ZC3H6: variants seen among roughly 807,000 people sequenced by gnomAD.
The protein encoded by ZC3H6 is zinc finger CCCH domain-containing protein 6.
A neutral mutation model predicts 107.7 loss-of-function variants in ZC3H6; 40 were observed. That is an observed-to-expected ratio of 0.37 (90% CI 0.29 to 0.48). The LOEUF (loss-of-function observed/expected upper bound fraction) is 0.48, where lower values mean the gene tolerates loss of function less well. Ranked by LOEUF, ZC3H6 falls within the 20% of genes least tolerant of loss-of-function variation. ZC3H6 has a pLI of 0.98. For missense variants in ZC3H6, 1,267 were observed against 1,410.4 expected (o/e 0.90, Z 1.63); for synonymous variants, 493 against 487.9 (o/e 1.01, Z -0.14).
chr2:112,288,574 T>C (rs10176247), intron 1 of ZC3H6, among the ~76,000 whole-genome samples: 2 of 152,042 alleles, frequency 1.3e-5, no homozygotes, highest in Non-Finnish European at 2.9e-5. Flanking sequence ...TAGGTAGTAC[T>C]TTGGGAAGCA....
At position 112,324,987 on chromosome 2, in the gene ZC3H6, G is replaced by T. The variant is rs144849099; in HGVS notation, c.1876G>T (p.Ala626Ser). 2.0e-4 allele frequency: 322 copies of T among 1,607,770 alleles called. No individual in the cohort carries two copies. The African/African-American group carries it at 3.9e-3, about 20-fold the overall frequency. The change falls in exon 11 of 12, where the codon GCC (alanine) becomes TCC (serine). Residue 626 changes from alanine (A) to serine (S), a missense_variant. Coordinates refer to ENST00000409871, the MANE Select transcript of ZC3H6 (RefSeq NM_198581.3). ...SGDGMWHGEF[A>S]QQQPPVVQDS... ...AGATGGGATGTGGCATGGTGAATTT[G>T]CCCAGCAGCAGCCTCCTGTTGTTCA... is the stretch of plus-strand genomic sequence containing the variant.
At chr2:112,283,740 A>G (rs1686563218) in intron 1 of ZC3H6, among the ~76,000 whole-genome samples, 1 of 152,222 alleles carries the variant, frequency 6.6e-6, no homozygotes, top group Admixed American at 6.5e-5. Flanking sequence ...TGTGGCATTC[A>G]GTCTCAGCCA....
At position 112,303,334 on chromosome 2, in the gene ZC3H6, G is replaced by T; in HGVS notation, c.319G>T (p.Asp107Tyr). ...KKRTGFYRDY[D>Y]IPFTQRGHIS... ...AAGAACTGGTTTCTACAGGGATTAT[G>T]ACATTCCATTTACTCAGGTATTGCC... The change falls in exon 3 of 12, where the codon GAC becomes TAC. Residue 107 changes from aspartate (D) to tyrosine (Y), a missense_variant. Physicochemically the swap from Asp to Tyr is radical, Grantham distance 160 (BLOSUM62 -3). Transcript: ENST00000409871. The T allele has an allele frequency of 6.2e-7, 1 of 1,612,402 alleles. No homozygotes were observed. The highest frequency in any genetic ancestry group is 1.1e-5 in the South Asian group (1 of 90,770).
rs193059585 is a variant in ZC3H6, at chr2:112,332,317, T to A, written c.3399T>A (p.Pro1133=). ...AGGTCCCAGCAGTGCACAGCCTTCC[T>A]GTTCAGGCATTAACAGGCTTAATTA... is the stretch of plus-strand genomic sequence containing the variant. The part of the protein sequence containing the change: ...KVQVPAVHSL[P]VQALTGLIRP... Residue 1133 remains proline (P), a synonymous_variant, in exon 12 of 12, where the codon CCT becomes CCA. Coordinates refer to ENST00000409871, the MANE Select transcript of ZC3H6 (RefSeq NM_198581.3). 6.2e-7 allele frequency: 1 copy of A among 1,613,864 alleles called. No individual in the cohort carries two copies. Among genetic ancestry groups the A allele is most frequent in the Non-Finnish European group, 8.5e-7 (1 of 1,179,900 alleles).
chr2:112,284,685 G>A lies in ZC3H6; in HGVS notation c.32+8659G>A, dbSNP rs187209036. ...GGTGGAGGAACTTTCTTCCTCTAAC[G>A]TCTTTATATGTGTCTGTGTTTATAT... is the stretch of plus-strand genomic sequence containing the variant. On this transcript the variant is annotated intron_variant, in intron 1 of 11. Transcript: ENST00000409871. Among the ~76,000 whole-genome samples, 12 of 151,972 alleles carry A rather than the reference G, an allele frequency of 7.9e-5. No individual in the cohort carries two copies. In the South Asian group the frequency reaches 1.9e-3, roughly 24 times the overall value.
intron 2 of ZC3H6, among the ~76,000 whole-genome samples, chr2:112,300,753 T>C (rs1676358136): frequency 6.6e-6 from 1 of 152,152 alleles, no homozygotes; most frequent in Middle Eastern, 3.2e-3. Context: ...GAGTTTACAT[T>C]GCAATGGGAA....
At chr2:112,292,855 A>C (rs1234354428) in intron 1 of ZC3H6, among the ~76,000 whole-genome samples, 1 of 152,218 alleles carries the variant, frequency 6.6e-6, no homozygotes, top group Non-Finnish European at 1.5e-5. Context: ...CAGGGAGATC[A>C]GTGTCCTCTC....
chr2:112,317,438 A>G, intron 7 of ZC3H6, 106 bp downstream of exon 7: 1 of 614,628 alleles, frequency 1.6e-6, no homozygotes, highest in Non-Finnish European at 2.7e-6. Flanking sequence ...GTTTGGTTTT[A>G]AATTTAAAAC....
intron 11 of ZC3H6, among the ~76,000 whole-genome samples, chr2:112,330,243 C>CG (rs1371257662): frequency 2.0e-5 from 3 of 152,014 alleles, no homozygotes; most frequent in Admixed American, 1.3e-4. Context: ...TTAGTAGAGA[C>CG]GGGGTTTCAC....
At chr2:112,300,066 G>T in intron 2 of ZC3H6, 37 bp downstream of exon 2, 3 of 1,257,602 alleles carry the variant, frequency 2.4e-6, no homozygotes, top group South Asian at 4.7e-5. Flanking sequence ...TTTGATAAAT[G>T]TTTATGAAAT....
chr2:112,309,252 T>C (rs1676549912), intron 3 of ZC3H6, among the ~76,000 whole-genome samples: 1 of 152,174 alleles, frequency 6.6e-6, no homozygotes, highest in Non-Finnish European at 1.5e-5. Flanking sequence ...AATAAACTTC[T>C]AGTACTAAAG....
At position 112,334,297 on chromosome 2, in the gene ZC3H6, G is replaced by A. The variant is rs1443391170; in HGVS notation, c.*1809G>A. The A allele has an allele frequency of 6.6e-6, 1 of 151,932 alleles. No individual in the cohort carries two copies. The highest frequency in any genetic ancestry group is 1.5e-5 in the Non-Finnish European group (1 of 67,914). The allele number at this position is 151,932 out of a possible 1,614,324, so 9.4% of individuals were successfully genotyped here. A position where few individuals can be genotyped will look rare whatever the true frequency, so the allele number is the denominator to read the frequency against. ...AAGGTGTAATTTACTCTTTTGTCAG[G>A]ATAAAATCAGAAAAATGGCTGATTT... On this transcript the variant is annotated 3_prime_UTR_variant, in exon 12 of 12. Transcript: ENST00000409871.
chr2:112,332,522 G>T lies in ZC3H6; in HGVS notation c.*34G>T. 1 of 1,567,614 alleles carries T rather than the reference G, an allele frequency of 6.4e-7. No individual in the cohort carries two copies. Among genetic ancestry groups the T allele is most frequent in the Non-Finnish European group, 8.6e-7 (1 of 1,158,340 alleles). ...TAACTGAGCAATTCTTTTCACTCTT[G>T]TGACTATCTCAGTCCTCTGCTGTTT... On this transcript the variant is annotated 3_prime_UTR_variant, in exon 12 of 12. Transcript: ENST00000409871.
At chr2:112,321,368 GT>G (rs5833445) in intron 7 of ZC3H6, among the ~76,000 whole-genome samples, 77,440 of 151,578 alleles carry the variant, frequency 0.51, 21,963 homozygotes, top group East Asian at 0.77. Flanking sequence ...AGTGATAAAT[GT>G]TTTTTTTCCT....
chr2:112,324,400 A>ATCAAGCTGGAGTGCTTGGTTG lies in ZC3H6; in HGVS notation c.1606_1607insGTTGTCAAGCTGGAGTGCTTG (p.Leu535_Val536insGlyCysGlnAlaGlyValLeu). 6.2e-7 allele frequency: 1 copy of ATCAAGCTGGAGTGCTTGGTTG among 1,613,990 alleles called. No homozygotes were observed. The highest frequency in any genetic ancestry group is 8.5e-7 in the Non-Finnish European group (1 of 1,179,880). ...CCACCTGAAATTGTAGGTCCTCAAA[A>ATCAAGCTGGAGTGCTTGGTTG]TCAAGCTGGAGTGCTTGTTCAACCA... On this transcript the variant is annotated inframe_insertion, in exon 10 of 12. Coordinates refer to ENST00000409871, the MANE Select transcript of ZC3H6 (RefSeq NM_198581.3).
At chr2:112,320,778 CTTATT>C (rs1166027133) in intron 7 of ZC3H6, among the ~76,000 whole-genome samples, 1 of 151,972 alleles carries the variant, frequency 6.6e-6, no homozygotes, top group Non-Finnish European at 1.5e-5. Context: ...ATTTATACCT[CTTATT>C]TAATTTTAAT....
Position 112,332,569 on chromosome 2 carries a change from GTTTA to G in ZC3H6, c.*89_*92del, listed in dbSNP as rs1677059072. 6 of 1,370,738 alleles carry G rather than the reference GTTTA, an allele frequency of 4.4e-6. No individual in the cohort carries two copies. The highest frequency in any genetic ancestry group is 4.7e-5 in the East Asian group (2 of 42,604). 84.9% of individuals were successfully genotyped at this position (1,370,738 alleles called of 1,614,324 possible). ...GTTTTGTAACTGGTTTACCTCTATA[GTTTA>G]TTTATTTTTAAATTATAAACACTTT... is the stretch of plus-strand genomic sequence containing the variant. On this transcript the variant is annotated 3_prime_UTR_variant, in exon 12 of 12. Coordinates refer to ENST00000409871, the MANE Select transcript of ZC3H6 (RefSeq NM_198581.3).
At position 112,332,394 on chromosome 2, in the gene ZC3H6, C is replaced by T. The variant is rs375073407; in HGVS notation, c.3476C>T (p.Pro1159Leu). The T allele has an allele frequency of 3.2e-5, 51 of 1,613,640 alleles. No homozygotes were observed. The East Asian group carries it at 6.5e-4, about 20-fold the overall frequency. ...RQARQPGQGS[P>L]TPDNDPGRET... ...GCAAGGCAGCCAGGACAGGGGAGCC[C>T]GACCCCAGATAATGATCCCGGTAGA... Residue 1159 changes from proline to leucine, a missense_variant, in exon 12 of 12, where the codon CCG becomes CTG. Physicochemically the swap from Pro to Leu is moderately conservative, Grantham distance 98. Transcript: ENST00000409871.
At chr2:112,313,667 A>G (rs1218485166) in intron 5 of ZC3H6, among the ~76,000 whole-genome samples, 1 of 152,198 alleles carries the variant, frequency 6.6e-6, no homozygotes, top group African/African-American at 2.4e-5. Flanking sequence ...CACGAGAGAC[A>G]TTTCTTATGA....
Sources: gnomAD v4.1 joint callset for allele counts (sites outside exome capture counted in the v4.1 genomes callset) on GRCh38, gnomAD v4.1.1 for gene constraint, MANE v1.5 for transcripts, NCBI Gene and HGNC (gene_info 2026-07-23, HGNC 2026-07-21) for gene names.